WWOX: variants seen among roughly 807,000 people sequenced by gnomAD.
The protein encoded by WWOX is WW domain-containing oxidoreductase.
Under a neutral mutation model 46.2 loss-of-function variants are expected in WWOX, and 69 were observed. That is an observed-to-expected ratio of 1.49 (90% CI 1.23 to 1.82). The LOEUF is 1.82. Among genes scored for constraint, WWOX ranks in the 40% most tolerant of loss-of-function variants. The probability of loss-of-function intolerance (pLI) is 0.00; values close to 1 mark genes in which losing one functional copy is unlikely to be tolerated. For missense variants in WWOX, 919 were observed against 542.6 expected (o/e 1.69, Z -6.89); for synonymous variants, 359 against 202.6 (o/e 1.77, Z -6.56).
chr16:78,589,635 A>G (rs2045304603), intron 8 of WWOX, among the ~76,000 whole-genome samples: 1 of 152,252 alleles, frequency 6.6e-6, no homozygotes, highest in East Asian at 1.9e-4. Flanking sequence ...AGTTTCCGGT[A>G]AAGGCATAAA....
chr16:78,680,198 C>G (rs139440016), intron 8 of WWOX, among the ~76,000 whole-genome samples: 1 of 152,052 alleles, frequency 6.6e-6, no homozygotes, highest in Non-Finnish European at 1.5e-5. Flanking sequence ...TAGCTTGAGC[C>G]CAGGAGTTCG....
chr16:78,436,212 C>G (rs909377872), intron 8 of WWOX, among the ~76,000 whole-genome samples: 3 of 152,152 alleles, frequency 2.0e-5, no homozygotes, highest in Admixed American at 2.0e-4. Context: ...TCTCTGCTGA[C>G]AGAACAAGAG....
intron 5 of WWOX, among the ~76,000 whole-genome samples, chr16:78,359,470 C>T (rs191507259): frequency 2.0e-5 from 3 of 151,960 alleles, no homozygotes; most frequent in Non-Finnish European, 2.9e-5. Flanking sequence ...TATAAAGGAT[C>T]GATAGTTGGT....
At position 78,902,491 on chromosome 16, in the gene WWOX, C is replaced by G. The variant is rs914058944; in HGVS notation, c.1057-309117C>G. On this transcript the variant is annotated intron_variant, in intron 8 of 8. Transcript: ENST00000566780. ...GAAAGGCTAGGGTTAAGGCATTTCACAATGTCAGGCATCTTGTTAGACTGC... is the reference window on the plus strand; with the variant it reads ...GAAAGGCTAGGGTTAAGGCATTTCAGAATGTCAGGCATCTTGTTAGACTGC... 5.3e-5 allele frequency among the ~76,000 whole-genome samples: 8 copies of G among 152,336 alleles called. No homozygotes were observed. In the East Asian group the frequency reaches 1.5e-3, roughly 29 times the overall value.
chr16:78,130,126 C>CT (rs2151695166), intron 4 of WWOX: 1 of 152,350 alleles, frequency 6.6e-6, no homozygotes, highest in South Asian at 2.1e-4. Flanking sequence ...TTCCTGAGGT[C>CT]TCCCCAGCCA....
intron 8 of WWOX, among the ~76,000 whole-genome samples, chr16:79,035,975 C>T (rs747426266): frequency 6.6e-5 from 10 of 152,184 alleles, no homozygotes; most frequent in Non-Finnish European, 1.3e-4. Context: ...ACCAGCATCC[C>T]TTGGCTTTTT....
intron 8 of WWOX, chr16:79,077,507 G>A (rs904400361): frequency 6.6e-6 from 1 of 152,130 alleles, no homozygotes; most frequent in African/African-American, 2.4e-5. Context: ...CACAGAGATG[G>A]TCTAAACTGT....
At chr16:78,956,240 G>A (rs1425174873) in intron 8 of WWOX, among the ~76,000 whole-genome samples, 1 of 151,904 alleles carries the variant, frequency 6.6e-6, no homozygotes, top group South Asian at 2.1e-4. Flanking sequence ...TGACCTCGAG[G>A]GCTCAAGCAA....
chr16:78,498,918 T>G (rs2151472255), intron 8 of WWOX, among the ~76,000 whole-genome samples: 1 of 152,308 alleles, frequency 6.6e-6, no homozygotes, highest in South Asian at 2.1e-4. Flanking sequence ...TCTCCTTTAT[T>G]GGCATTGAGA....
chr16:78,862,068 G>T (rs769441853), intron 8 of WWOX, among the ~76,000 whole-genome samples: 5 of 137,556 alleles, frequency 3.6e-5, no homozygotes, highest in Non-Finnish European at 5.1e-5. Flanking sequence ...AGAGATATAT[G>T]CATATCTATA....
chr16:78,954,691 G>A (rs112170290), intron 8 of WWOX, among the ~76,000 whole-genome samples: 2,134 of 152,264 alleles, frequency 0.014, 25 homozygotes, highest in Middle Eastern at 0.02. Context: ...TCCTGTAATG[G>A]GAGTCTAGGG....
At chr16:78,432,395 T>G in intron 7 of WWOX, 93 bp from the exon 8 acceptor site, 8 of 1,542,554 alleles carry the variant, frequency 5.2e-6, no homozygotes, top group Non-Finnish European at 7.1e-6. Context: ...TGTGAGCCAC[T>G]GCACCCAGCA....
At chr16:78,838,044 T>A (rs181504774) in intron 8 of WWOX, among the ~76,000 whole-genome samples, 4 of 152,244 alleles carry the variant, frequency 2.6e-5, no homozygotes, top group Admixed American at 1.3e-4. Flanking sequence ...CTGGCACAGT[T>A]AGAGGCCAGG....
At chr16:78,152,405 A>T (rs1026053862) in intron 4 of WWOX, among the ~76,000 whole-genome samples, 1 of 152,182 alleles carries the variant, frequency 6.6e-6, no homozygotes, top group Non-Finnish European at 1.5e-5. Flanking sequence ...TATTTGTAGG[A>T]TAAATTTCTG....
At chr16:78,165,101 G>A (rs779424284) in intron 5 of WWOX, among the ~76,000 whole-genome samples, 25 of 152,192 alleles carry the variant, frequency 1.6e-4, no homozygotes, top group Non-Finnish European at 3.4e-4. Context: ...TGAATGGAGT[G>A]GGTAGGAGAG....
chr16:78,409,697 G>T (rs2082631139), intron 6 of WWOX, among the ~76,000 whole-genome samples: 1 of 152,120 alleles, frequency 6.6e-6, no homozygotes, highest in Non-Finnish European at 1.5e-5. Context: ...GGTTCTCATT[G>T]GGCTAAAATT....
At chr16:79,108,010 AC>A (rs1167959037) in intron 8 of WWOX, among the ~76,000 whole-genome samples, 1 of 152,240 alleles carries the variant, frequency 6.6e-6, no homozygotes, top group African/African-American at 2.4e-5. Context: ...CATATGTATT[AC>A]AAAATATCTG....
intron 6 of WWOX, among the ~76,000 whole-genome samples, chr16:78,391,070 C>T (rs1397475539): frequency 1.3e-5 from 2 of 152,190 alleles, no homozygotes; most frequent in Non-Finnish European, 2.9e-5. Context: ...GAAACAGATT[C>T]TTAGTACAAA....
At chr16:78,361,950 G>C (rs1210002543) in intron 5 of WWOX, among the ~76,000 whole-genome samples, 1 of 146,168 alleles carries the variant, frequency 6.8e-6, no homozygotes, top group Non-Finnish European at 1.5e-5. Flanking sequence ...CTTTATATTA[G>C]CGTAGATTCA....
Sources: gnomAD v4.1 joint callset for allele counts (sites outside exome capture counted in the v4.1 genomes callset) on GRCh38, gnomAD v4.1.1 for gene constraint, MANE v1.5 for transcripts, NCBI Gene and HGNC (gene_info 2026-07-23, HGNC 2026-07-21) for gene names.